The following HCN1 variants were observed in gnomAD, a reference collection of about 807,000 sequenced individuals.
HCN1 encodes potassium/sodium hyperpolarization-activated cyclic nucleotide-gated channel 1.
A neutral mutation model predicts 78.9 loss-of-function variants in HCN1; 13 were observed. The observed-to-expected ratio is 0.16, with a 90% CI of 0.11 to 0.26. The LOEUF is 0.26. HCN1 is among the 10% of genes least tolerant of loss of function. HCN1 has a pLI of 1.00. For synonymous variants in HCN1, 552 were observed against 455.5 expected, an observed-to-expected ratio of 1.21 and a Z score of -2.70; for missense variants, 810 against 1,154.3, an observed-to-expected ratio of 0.70 and a Z score of 4.32.
chr5:45,412,007 G>A (rs1490852615), intron 3 of HCN1, among the ~76,000 whole-genome samples: 1 of 152,116 alleles, frequency 6.6e-6, no homozygotes, highest in East Asian at 1.9e-4. Flanking sequence ...GATCATAAAG[G>A]TGTCTTGCCT....
chr5:45,337,131 GCCCCACCATCTTTA>G (rs1746473182), intron 5 of HCN1, among the ~76,000 whole-genome samples: 1 of 151,754 alleles, frequency 6.6e-6, no homozygotes, highest in Non-Finnish European at 1.5e-5. Context: ...CTTCCTCTTC[GCCCCACCATCTTTA>G]CCCCATCCTC....
chr5:45,496,386 C>T (rs534009609), intron 2 of HCN1, among the ~76,000 whole-genome samples: 2,043 of 151,064 alleles, frequency 0.014, 20 homozygotes, highest in African/African-American at 0.029. Flanking sequence ...AGTTTATTTG[C>T]GTAGAGGTGT....
chr5:45,444,220 C>A (rs1461395822), intron 3 of HCN1, among the ~76,000 whole-genome samples: 2 of 152,018 alleles, frequency 1.3e-5, no homozygotes, highest in East Asian at 1.9e-4. Context: ...CAGTAAGAGG[C>A]TATTAAAAAC....
At chr5:45,380,107 C>T (rs1747773725) in intron 4 of HCN1, among the ~76,000 whole-genome samples, 1 of 151,942 alleles carries the variant, frequency 6.6e-6, no homozygotes, top group Non-Finnish European at 1.5e-5. Context: ...AAAGAACAGG[C>T]ATTTATTTGT....
At chr5:45,314,758 G>C (rs556461696) in intron 5 of HCN1, among the ~76,000 whole-genome samples, 1 of 152,094 alleles carries the variant, frequency 6.6e-6, no homozygotes, top group African/African-American at 2.4e-5. Flanking sequence ...GGCAGGAGTT[G>C]CAATCCTAGT....
At chr5:45,606,608 C>G (rs1489545892) in intron 2 of HCN1, among the ~76,000 whole-genome samples, 1 of 151,846 alleles carries the variant, frequency 6.6e-6, no homozygotes, top group African/African-American at 2.4e-5. Context: ...AGCACATAAA[C>G]CGGATTAAAA....
chr5:45,327,311 A>C (rs1168847259), intron 5 of HCN1, among the ~76,000 whole-genome samples: 1 of 151,768 alleles, frequency 6.6e-6, no homozygotes, highest in Non-Finnish European at 1.5e-5. Context: ...AGAGAATATC[A>C]CCGATAGTAG....
intron 2 of HCN1, among the ~76,000 whole-genome samples, chr5:45,473,866 C>T (rs145298627): frequency 1.3e-3 from 204 of 151,922 alleles, no homozygotes; most frequent in African/African-American, 4.8e-3. Flanking sequence ...AAAACATCCA[C>T]GATAAAATTT....
At position 45,262,352 on chromosome 5, in the gene HCN1, G is replaced by T. The variant is rs751800894; in HGVS notation, c.2242C>A (p.Pro748Thr). 3.7e-6 allele frequency: 6 copies of T among 1,612,820 alleles called. No individual in the cohort carries two copies. In the Admixed American group the frequency reaches 1.0e-4, roughly 27 times the overall value. The change falls in exon 8 of 8, where the codon CCA becomes ACA. Residue 748 changes from proline (P) to threonine (T), a missense_variant. Coordinates refer to ENST00000303230, the MANE Select transcript of HCN1 (RefSeq NM_021072.4). ...VQQSQPPQTQ[P>T]QQPSPQPQTP... ...TGTGGCTGCGGGGACGGCTGCTGTG[G>T]CTGAGTCTGCGGCGGCTGGGACTGC...
chr5:45,426,571 A>T (rs1215420742), intron 3 of HCN1, among the ~76,000 whole-genome samples: 1 of 152,176 alleles, frequency 6.6e-6, no homozygotes. Context: ...CATGTAAGAC[A>T]TAACTTTGCT....
chr5:45,484,828 T>C (rs1459352061), intron 2 of HCN1, among the ~76,000 whole-genome samples: 4 of 152,210 alleles, frequency 2.6e-5, no homozygotes, highest in African/African-American at 9.6e-5. Context: ...AATGTGAATG[T>C]CAGTGTTTGG....
chr5:45,463,603 T>C (rs1362171016), intron 2 of HCN1, among the ~76,000 whole-genome samples: 1 of 152,000 alleles, frequency 6.6e-6, no homozygotes, highest in Non-Finnish European at 1.5e-5. Context: ...AACATCCTTT[T>C]GATATTATTC....
At chr5:45,681,066 C>T (rs1289191239) in intron 1 of HCN1, among the ~76,000 whole-genome samples, 1 of 152,070 alleles carries the variant, frequency 6.6e-6, no homozygotes, top group African/African-American at 2.4e-5. Flanking sequence ...CACATTTCTC[C>T]TCTTCAAATT....
intron 3 of HCN1, among the ~76,000 whole-genome samples, chr5:45,457,749 G>A (rs959705165): frequency 6.6e-6 from 1 of 152,118 alleles, no homozygotes; most frequent in Non-Finnish European, 1.5e-5. Flanking sequence ...CACGGCATAA[G>A]GATAGAAGGG....
intron 4 of HCN1, among the ~76,000 whole-genome samples, chr5:45,365,735 T>C (rs931645524): frequency 6.6e-6 from 1 of 151,920 alleles, no homozygotes; most frequent in African/African-American, 2.4e-5. Flanking sequence ...TGAACGGTAG[T>C]TCTATTTTTA....
intron 4 of HCN1, among the ~76,000 whole-genome samples, chr5:45,372,262 T>C (rs1443829993): frequency 1.2e-5 from 1 of 82,708 alleles, no homozygotes; most frequent in African/African-American, 4.9e-5. Context: ...TATATATTTA[T>C]ATATATATTT....
At chr5:45,492,392 A>AATATATATATATATATAT (rs35781186) in intron 2 of HCN1, among the ~76,000 whole-genome samples, 39 of 121,368 alleles carry the variant, frequency 3.2e-4, no homozygotes, top group African/African-American at 8.7e-4. Flanking sequence ...TCTTTAAATG[A>AATATATATATATATATAT]ATATATATAT....
intron 6 of HCN1, among the ~76,000 whole-genome samples, chr5:45,269,888 C>T (rs563005876): frequency 5.9e-5 from 9 of 152,288 alleles, no homozygotes; most frequent in Middle Eastern, 3.4e-3. Context: ...CCTTGGCTCC[C>T]GTTCTTTGTA....
intron 3 of HCN1, among the ~76,000 whole-genome samples, chr5:45,447,881 GATAT>G (rs144291227): frequency 1.3e-5 from 2 of 148,546 alleles, no homozygotes; most frequent in Non-Finnish European, 1.5e-5. Context: ...TATATTTTAT[GATAT>G]ATATATATAT....
Sources: gnomAD v4.1 joint callset for allele counts (sites outside exome capture counted in the v4.1 genomes callset) on GRCh38, gnomAD v4.1.1 for gene constraint, MANE v1.5 for transcripts, NCBI Gene and HGNC (gene_info 2026-07-23, HGNC 2026-07-21) for gene names.